DIP2C: variants seen among roughly 807,000 people sequenced by gnomAD.
DIP2C encodes disco-interacting protein 2 homolog C.
Under a neutral mutation model 192.4 loss-of-function variants are expected in DIP2C, and 33 were observed. The observed-to-expected ratio is 0.17, with a 90% CI of 0.13 to 0.23. The LOEUF is 0.23. DIP2C is among the 10% of genes least tolerant of loss of function. The pLI is 1.00. For synonymous variants in DIP2C, 979 were observed against 864.1 expected (o/e 1.13, Z -2.33); for missense variants, 1,537 against 2,110.1 (o/e 0.73, Z 5.32).
chr10:575,325 G>C (rs145001990), intron 1 of DIP2C, among the ~76,000 whole-genome samples: 1 of 152,164 alleles, frequency 6.6e-6, no homozygotes, highest in Non-Finnish European at 1.5e-5. Context: ...CTCATTTGAG[G>C]ATCATATACA....
In DIP2C at chr10:363,137, G is replaced by T; in HGVS notation, c.2592+60C>A. 1 of 1,467,920 alleles carries T rather than the reference G, an allele frequency of 6.8e-7. No individual in the cohort carries two copies. The highest frequency in any genetic ancestry group is 1.8e-4 in the Middle Eastern group (1 of 5,608). 90.9% of individuals were successfully genotyped at this position (1,467,920 alleles called of 1,614,324 possible). ...CAGCTGGTCACACCATGATCTGAAT[G>T]AAGTAAGGAGGCCAGAAACAAGACA... is the stretch of plus-strand genomic sequence containing the variant. On this transcript the variant is annotated intron_variant, in intron 21 of 36. Transcript: ENST00000280886. This position sits in a 1 kb window ranked among gnomAD's most constrained non-coding sequence, Gnocchi z 5.4.
At chr10:349,277 A>G (rs1589568075) in intron 25 of DIP2C, 54 bp downstream of exon 25, 1 of 1,578,096 alleles carries the variant, frequency 6.3e-7, no homozygotes, top group Non-Finnish European at 8.6e-7. Context: ...ACCTCCTCGC[A>G]CCGCGGCTGA....
intron 31 of DIP2C, among the ~76,000 whole-genome samples, chr10:325,599 C>G (rs1010339004): frequency 1.3e-5 from 2 of 152,182 alleles, no homozygotes; most frequent in African/African-American, 4.8e-5. Flanking sequence ...ACTTAAGAAG[C>G]AGACTTCTGC....
At chr10:418,792 G>A (rs577507673) in intron 6 of DIP2C, among the ~76,000 whole-genome samples, 42 of 152,300 alleles carry the variant, frequency 2.8e-4, no homozygotes, top group African/African-American at 8.9e-4. Context: ...CAGCAAAAAC[G>A]GCAGCAAATT....
rs1213365136 is a variant in DIP2C, at chr10:275,744, CA to C, written c.*1580del. On this transcript the variant is annotated 3_prime_UTR_variant, in exon 37 of 37. Coordinates refer to ENST00000280886, the MANE Select transcript of DIP2C (RefSeq NM_014974.3). ...TCCTTCTTGGTTGGACACCGTGGGC[CA>C]ATTCAATTTAGAAGTGCACAGGTGA... 4 of 152,080 alleles carry C rather than the reference CA, an allele frequency of 2.6e-5. No individual in the cohort carries two copies. Among genetic ancestry groups the C allele is most frequent in the African/African-American group, 9.7e-5 (4 of 41,392 alleles). The allele number at this position is 152,080 out of a possible 1,614,324, so 9.4% of individuals were successfully genotyped here. A position where few individuals can be genotyped will look rare whatever the true frequency, so the allele number is the denominator to read the frequency against.
intron 31 of DIP2C, chr10:311,617 A>G: frequency 1.6e-6 from 2 of 1,223,674 alleles, no homozygotes; most frequent in Non-Finnish European, 2.0e-6. Context: ...ACACCAGACA[A>G]CAGAAACCAA....
intron 1 of DIP2C, among the ~76,000 whole-genome samples, chr10:552,505 A>G (rs952414611): frequency 6.6e-6 from 1 of 152,242 alleles, no homozygotes; most frequent in Non-Finnish European, 1.5e-5. Context: ...ATATTCAAAA[A>G]TAAGTAATTC....
In DIP2C at chr10:348,667, ACGT is replaced by A; in HGVS notation, c.3202_3204del (p.Thr1068del). On this transcript the variant is annotated inframe_deletion, in exon 26 of 37. Coordinates refer to ENST00000280886, the MANE Select transcript of DIP2C (RefSeq NM_014974.3). ...TCCACAATCATCTTGACGGTAGGCA[ACGT>A]CGTCGCGATGTTCTGTGGGTGCGGG... 1 of 1,613,578 alleles carries A rather than the reference ACGT, an allele frequency of 6.2e-7. No homozygotes were observed. Among genetic ancestry groups the A allele is most frequent in the Non-Finnish European group, 8.5e-7 (1 of 1,179,876 alleles).
At chr10:451,970 A>G (rs572524449) in intron 3 of DIP2C, among the ~76,000 whole-genome samples, 4 of 152,236 alleles carry the variant, frequency 2.6e-5, no homozygotes, top group Non-Finnish European at 1.5e-5. Context: ...TCTGCCCACA[A>G]GGAGACCAGC....
chr10:432,285 G>A (rs897752039), intron 4 of DIP2C, among the ~76,000 whole-genome samples: 1 of 152,182 alleles, frequency 6.6e-6, no homozygotes, highest in African/African-American at 2.4e-5. Context: ...TCTTTTAGAT[G>A]TTTGGTAGAA....
intron 6 of DIP2C, among the ~76,000 whole-genome samples, chr10:418,452 C>T (rs1483184539): frequency 6.6e-6 from 1 of 152,212 alleles, no homozygotes; most frequent in African/African-American, 2.4e-5. Context: ...CTAGGTTCTA[C>T]CCTGACTTTT....
intron 25 of DIP2C, among the ~76,000 whole-genome samples, chr10:348,973 G>A (rs1224425620): frequency 6.6e-6 from 1 of 152,206 alleles, no homozygotes; most frequent in East Asian, 1.9e-4. Flanking sequence ...GAGGCAGCCT[G>A]GAGGTTTAAT....
Position 589,661 on chromosome 10 carries a change from T to C in DIP2C, c.85+99833A>G, listed in dbSNP as rs770898810. Among the ~76,000 whole-genome samples, 5 of 152,324 alleles carry C rather than the reference T, an allele frequency of 3.3e-5. No homozygotes were observed. In the East Asian group the frequency reaches 7.7e-4, roughly 24 times the overall value. On this transcript the variant is annotated intron_variant, in intron 1 of 36. Transcript: ENST00000280886. The stretch of plus-strand genomic sequence containing the variant: ...CCGTGTGTCCCTCCTGAGCATAATT[T>C]ACGACTTCAGTGGATGTCTCTTTGT...
rs183015489 is a variant in DIP2C at position 679,981 on chromosome 10, A to T, written c.85+9513T>A. ...GCTGTGAGATGAGCGCATCTGATCC[A>T]CATTAATCCTGACAGTCGGTTTATT... On this transcript the variant is annotated intron_variant, in intron 1 of 36. Transcript: ENST00000280886. 2.1e-3 allele frequency among the ~76,000 whole-genome samples: 324 copies of T among 152,324 alleles called. 1 individual carries two copies. Among genetic ancestry groups the T allele is most frequent in the Middle Eastern group, 6.8e-3 (2 of 294 alleles).
intron 1 of DIP2C, among the ~76,000 whole-genome samples, chr10:537,449 C>T (rs1348799234): frequency 2.6e-5 from 4 of 152,236 alleles, no homozygotes; most frequent in Non-Finnish European, 5.9e-5. Flanking sequence ...CTCTTTTCTT[C>T]CCACAAGTAG....
At chr10:526,219 AGCCGCGTGGTTTCCACTCT>A (rs938978141) in intron 1 of DIP2C, among the ~76,000 whole-genome samples, 7 of 152,220 alleles carry the variant, frequency 4.6e-5, no homozygotes, top group Admixed American at 3.3e-4. Flanking sequence ...CAAAGCCCAC[AGCCGCGTGGTTTCCACTCT>A]GAACGTCCAA....
At chr10:663,119 C>G in intron 1 of DIP2C, 1 of 529,816 alleles carries the variant, frequency 1.9e-6, no homozygotes, top group Non-Finnish European at 3.4e-6. Flanking sequence ...GGGGGAGATC[C>G]CTGGGGCAGC....
intron 1 of DIP2C, among the ~76,000 whole-genome samples, chr10:603,897 C>G (rs993130654): frequency 6.6e-6 from 1 of 151,636 alleles, no homozygotes; most frequent in Non-Finnish European, 1.5e-5. Context: ...CCACACCCCT[C>G]CGACCACTGC....
chr10:503,790 ATCC>A (rs1436996742), intron 1 of DIP2C, among the ~76,000 whole-genome samples: 1 of 152,166 alleles, frequency 6.6e-6, no homozygotes, highest in South Asian at 2.1e-4. Context: ...GGACAGGACA[ATCC>A]TCCTTTGTCC....
Sources: allele counts gnomAD v4.1 joint callset (sites outside exome capture counted in the v4.1 genomes callset), GRCh38; gene constraint gnomAD v4.1.1; non-coding constraint Gnocchi (gnomAD v3.1); transcripts MANE v1.5; gene names NCBI Gene and HGNC (gene_info 2026-07-23, HGNC 2026-07-21).